The following ROBO2 variants were observed in gnomAD, a reference collection of about 807,000 sequenced individuals.
The protein encoded by ROBO2 is roundabout homolog 2.
ROBO2 carries 53 observed loss-of-function variants against 160.8 expected under a neutral mutation model. The ratio of observed to expected loss-of-function variants is 0.33; its 90% CI spans 0.26 to 0.41. The LOEUF (loss-of-function observed/expected upper bound fraction) is 0.41, where lower values mean the gene tolerates loss of function less well. Ranked by LOEUF, ROBO2 falls within the 10% of genes least tolerant of loss-of-function variation. ROBO2 has a pLI of 1.00. For missense variants in ROBO2, 1,577 were observed against 1,722.4 expected, an observed-to-expected ratio of 0.92 and a Z score of 1.49; for synonymous variants, 664 against 611.7, an observed-to-expected ratio of 1.09 and a Z score of -1.26.
At chr3:76,041,661 CACTT>C (rs766605005) in intron 2 of ROBO2, among the ~76,000 whole-genome samples, 31 of 152,012 alleles carry the variant, frequency 2.0e-4, no homozygotes, top group Non-Finnish European at 3.4e-4. Flanking sequence ...TACCACAAAA[CACTT>C]ACAGGTATTA....
intron 2 of ROBO2, among the ~76,000 whole-genome samples, chr3:77,233,315 C>T (rs1175786171): frequency 6.6e-6 from 1 of 152,046 alleles, no homozygotes; most frequent in African/African-American, 2.4e-5. Context: ...ATCCTTGCCC[C>T]CCCCTCCACT....
intron 2 of ROBO2, among the ~76,000 whole-genome samples, chr3:77,339,858 C>T (rs2066879938): frequency 6.6e-6 from 1 of 152,000 alleles, no homozygotes. Flanking sequence ...TTGAAAACTG[C>T]TTATTTGCCT....
chr3:76,597,754 T>G (rs1050616604), intron 2 of ROBO2, among the ~76,000 whole-genome samples: 3 of 152,010 alleles, frequency 2.0e-5, no homozygotes, highest in African/African-American at 7.2e-5. Flanking sequence ...TTCATGTGTT[T>G]TCATCATTTA....
chr3:76,547,590 C>G (rs2083181410), intron 2 of ROBO2, among the ~76,000 whole-genome samples: 1 of 151,980 alleles, frequency 6.6e-6, no homozygotes, highest in African/African-American at 2.4e-5. Context: ...GAATATTATT[C>G]AACACATTCC....
chr3:76,350,012 A>G (rs779093768), intron 2 of ROBO2, among the ~76,000 whole-genome samples: 1 of 152,042 alleles, frequency 6.6e-6, no homozygotes, highest in Non-Finnish European at 1.5e-5. Context: ...GCTGTTCACT[A>G]TACAAACTTC....
chr3:76,740,485 T>C (rs1392488517), intron 2 of ROBO2, among the ~76,000 whole-genome samples: 27 of 152,170 alleles, frequency 1.8e-4, no homozygotes, highest in Admixed American at 1.8e-3. Flanking sequence ...CTTTGACCTT[T>C]ATTTTAAAAG....
chr3:76,620,078 C>T (rs958210501), intron 2 of ROBO2, among the ~76,000 whole-genome samples: 2 of 152,094 alleles, frequency 1.3e-5, no homozygotes, highest in African/African-American at 4.8e-5. Context: ...ATAAATGATG[C>T]TCAGTGAACT....
chr3:77,088,629 G>C (rs1350490966), intron 1 of ROBO2, among the ~76,000 whole-genome samples: 4 of 151,950 alleles, frequency 2.6e-5, no homozygotes, highest in Non-Finnish European at 1.5e-5. Flanking sequence ...GTTAGTCTTT[G>C]GTTAAAATGA....
chr3:76,871,329 C>A (rs544699526), intron 2 of ROBO2, among the ~76,000 whole-genome samples: 2 of 151,616 alleles, frequency 1.3e-5, no homozygotes, highest in African/African-American at 4.8e-5. Flanking sequence ...CCGAGGCAGG[C>A]GGATCACGAG....
In ROBO2 at chr3:77,306,171, A is replaced by C. The variant is rs145539175; in HGVS notation, c.389-171243A>C. 7.9e-5 allele frequency among the ~76,000 whole-genome samples: 12 copies of C among 152,238 alleles called. No homozygotes were observed. The East Asian group carries it at 2.3e-3, about 29-fold the overall frequency. On this transcript the variant is annotated intron_variant, in intron 2 of 25. Coordinates refer to ENST00000461745, the Ensembl canonical transcript of ROBO2. ...AAATTCATTATAATAATGTATTCAT[A>C]TATTCAGTAACCAATGACATATTTA...
chr3:76,418,561 T>C (rs1015940803), intron 2 of ROBO2, among the ~76,000 whole-genome samples: 1 of 152,188 alleles, frequency 6.6e-6, no homozygotes, highest in Admixed American at 6.5e-5. Context: ...TCTTTGCTTT[T>C]GTTCTGTGTT....
At chr3:75,956,698 A>G (rs1431263820) in intron 2 of ROBO2, among the ~76,000 whole-genome samples, 1 of 151,734 alleles carries the variant, frequency 6.6e-6, no homozygotes, top group Non-Finnish European at 1.5e-5. Flanking sequence ...AGTAAAATGT[A>G]AAGTGACCAA....
intron 2 of ROBO2, among the ~76,000 whole-genome samples, chr3:76,806,231 G>GTGTGTGTGT (rs1369056167): frequency 5.3e-5 from 8 of 151,488 alleles, no homozygotes; most frequent in Non-Finnish European, 7.4e-5. Flanking sequence ...GTGTGTGTGT[G>GTGTGTGTGT]TGTGTGTGTG....
At chr3:75,911,603 G>C (rs1372095613) in intron 1 of ROBO2, among the ~76,000 whole-genome samples, 110 of 126,144 alleles carry the variant, frequency 8.7e-4, no homozygotes, top group Non-Finnish European at 1.6e-3. Flanking sequence ...TGTCGCCCAG[G>C]CTGGAGTGCA....
intron 2 of ROBO2, among the ~76,000 whole-genome samples, chr3:76,816,742 A>C (rs1422675487): frequency 6.6e-6 from 1 of 152,056 alleles, no homozygotes; most frequent in Non-Finnish European, 1.5e-5. Context: ...AGGATTATAA[A>C]TCATGCTGCT....
intron 2 of ROBO2, among the ~76,000 whole-genome samples, chr3:76,039,471 G>A (rs2067215660): frequency 6.6e-6 from 1 of 151,890 alleles, no homozygotes; most frequent in African/African-American, 2.4e-5. Context: ...TTGGTAAATG[G>A]TGTTTGTGAT....
chr3:77,294,168 G>A (rs1398319266), intron 2 of ROBO2, among the ~76,000 whole-genome samples: 1 of 143,560 alleles, frequency 7.0e-6, no homozygotes. Flanking sequence ...GGTAAGCTGA[G>A]GCTAGATCAC....
At chr3:76,359,402 T>C (rs1224309763) in intron 2 of ROBO2, among the ~76,000 whole-genome samples, 2 of 152,096 alleles carry the variant, frequency 1.3e-5, no homozygotes, top group Admixed American at 6.6e-5. Flanking sequence ...TGTTGTTCTG[T>C]CTTAGATATT....
At chr3:76,221,487 G>T (rs1703963196) in intron 2 of ROBO2, among the ~76,000 whole-genome samples, 1 of 152,182 alleles carries the variant, frequency 6.6e-6, no homozygotes, top group Admixed American at 6.5e-5. Flanking sequence ...CAGGGTGATG[G>T]TGAGCAGTGC....
Sources: gnomAD v4.1 joint callset for allele counts (sites outside exome capture counted in the v4.1 genomes callset) on GRCh38, gnomAD v4.1.1 for gene constraint, MANE v1.5 for transcripts, NCBI Gene and HGNC (gene_info 2026-07-23, HGNC 2026-07-21) for gene names.